Variants in TMEM131L observed in about 807,000 individuals in gnomAD.
TMEM131L encodes transmembrane protein 131-like.
Under a neutral mutation model 192.2 loss-of-function variants are expected in TMEM131L, and 54 were observed. That is an observed-to-expected ratio of 0.28 (90% CI 0.23 to 0.35). The LOEUF (loss-of-function observed/expected upper bound fraction) is 0.35, where lower values mean the gene tolerates loss of function less well. TMEM131L is among the 10% of genes least tolerant of loss of function. The probability of loss-of-function intolerance (pLI) is 1.00; values close to 1 mark genes in which losing one functional copy is unlikely to be tolerated. For synonymous variants in TMEM131L, 701 were observed against 704.9 expected (o/e 0.99, Z 0.09); for missense variants, 1,888 against 1,972.9 (o/e 0.96, Z 0.82).
rs569189718 is a variant in TMEM131L at position 153,632,786 on chromosome 4, C to G, written c.4276C>G (p.Leu1426Val). 1.1e-4 allele frequency: 184 copies of G among 1,614,116 alleles called. 1 individual carries two copies. In the South Asian group the frequency reaches 1.8e-3, roughly 16 times the overall value. ...VCVTSSLNCT[L>V]ENGVPCVIQE... ...TGTGACAAGCAGCTTAAACTGCACC[C>G]TGGAGAACGGCGTGCCTTGTGTGAT... Residue 1426 changes from leucine to valine, a missense_variant, in exon 32 of 35, where the codon CTG becomes GTG. By Grantham distance (32) the Leu-to-Val change is conservative. Transcript: ENST00000409959.
rs578257340 is a variant in TMEM131L, at chr4:153,532,436, G to T, written c.240-17637G>T. Among the ~76,000 whole-genome samples, 198 of 141,732 alleles carry T rather than the reference G, an allele frequency of 1.4e-3. 1 individual carries two copies. The highest frequency in any genetic ancestry group is 5.2e-3 in the African/African-American group (195 of 37,852). The allele number at this position is 141,732 out of a possible 152,430, so 93.0% of individuals were successfully genotyped here. On this transcript the variant is annotated intron_variant, in intron 3 of 34. Transcript: ENST00000409959. ...GCGTGTGTGCTTACTTGCTATTAGT[G>T]CTTTTTTTTTAAAAAAAAAAAAAGC...
rs115471258 is a variant in TMEM131L at position 153,503,665 on chromosome 4, T to G, written c.239+29777T>G. ...GTCCTACAACTTACTAGTGATATGA[T>G]TTGGGGCAAGTCACTTAACTTCTGA... is the stretch of plus-strand genomic sequence containing the variant. On this transcript the variant is annotated intron_variant, in intron 3 of 34. Transcript: ENST00000409959. 4.9e-3 allele frequency among the ~76,000 whole-genome samples: 751 copies of G among 152,282 alleles called. 5 individuals are homozygous for G. The highest frequency in any genetic ancestry group is 0.015 in the African/African-American group (609 of 41,542).
At chr4:153,607,908 C>T (rs1732350099) in intron 25 of TMEM131L, among the ~76,000 whole-genome samples, 1 of 152,092 alleles carries the variant, frequency 6.6e-6, no homozygotes, top group Admixed American at 6.5e-5. Context: ...CCTGGGCAAC[C>T]TGGTGAAACT....
Position 153,634,259 on chromosome 4 carries a change from G to A in TMEM131L, c.4396G>A (p.Asp1466Asn), listed in dbSNP as rs752754036. ...CGCATACTGTCCATTGGAATTGAAC[G>A]ATTACAATGCCTTTCCAGAAGGTAA... Reference protein sequence around the residue: ...SSAYCPLELNDYNAFPEENMN... With the variant: ...SSAYCPLELNNYNAFPEENMN... The change falls in exon 33 of 35, where the codon GAT becomes AAT. Residue 1466 changes from aspartate to asparagine, a missense_variant. Coordinates refer to ENST00000409959, the MANE Select transcript of TMEM131L (RefSeq NM_001131007.2). The A allele has an allele frequency of 2.5e-6, 4 of 1,613,320 alleles. No homozygotes were observed. Among genetic ancestry groups the A allele is most frequent in the East Asian group, 2.2e-5 (1 of 44,874 alleles).
rs773178442 is a variant in TMEM131L at position 153,632,742 on chromosome 4, G to T, written c.4232G>T (p.Trp1411Leu). ...DKGLYSPGDL[W>L]PTPPVCVTSS... ...GGTCTTTACTCACCTGGAGACCTGT[G>T]GCCCACTCCGCCAGTGTGTGTGACA... is the stretch of plus-strand genomic sequence containing the variant. Residue 1411 changes from tryptophan to leucine, a missense_variant, in exon 32 of 35, where the codon TGG becomes TTG. Trp to Leu is a moderately conservative substitution (Grantham distance 61, BLOSUM62 -2). Transcript: ENST00000409959. 2.5e-6 allele frequency: 4 copies of T among 1,614,080 alleles called. No homozygotes were observed. Among genetic ancestry groups the T allele is most frequent in the Non-Finnish European group, 3.4e-6 (4 of 1,180,006 alleles).
At chr4:153,501,943 GT>G (rs575832226) in intron 3 of TMEM131L, among the ~76,000 whole-genome samples, 620 of 117,414 alleles carry the variant, frequency 5.3e-3, no homozygotes, top group South Asian at 6.2e-3. Context: ...CCCCCAAAGG[GT>G]TTTTTTTTTT....
At chr4:153,574,673 C>T (rs538799539) in intron 7 of TMEM131L, among the ~76,000 whole-genome samples, 11 of 152,250 alleles carry the variant, frequency 7.2e-5, no homozygotes, top group South Asian at 2.1e-4. Context: ...GTTGCAGCTC[C>T]GCCTCCCGGG....
chr4:153,491,147 C>T (rs1355915632), intron 3 of TMEM131L, among the ~76,000 whole-genome samples: 2 of 152,016 alleles, frequency 1.3e-5, no homozygotes, highest in African/African-American at 2.4e-5. Flanking sequence ...AGGCCTGTCA[C>T]GTAAATGCAC....
intron 6 of TMEM131L, 49 bp from the exon 7 acceptor site, chr4:153,558,209 G>A (rs1376672838): frequency 2.0e-6 from 2 of 996,670 alleles, no homozygotes; most frequent in Admixed American, 1.8e-5. Context: ...TATGGCAAAT[G>A]TGTTTTAAAA....
chr4:153,623,791 G>A (rs941236655), intron 29 of TMEM131L, among the ~76,000 whole-genome samples: 9 of 152,128 alleles, frequency 5.9e-5, no homozygotes, highest in African/African-American at 1.7e-4. Context: ...AACATTGGCT[G>A]TCCCTTATTT....
chr4:153,527,665 TTCC>T (rs927057134), intron 3 of TMEM131L, among the ~76,000 whole-genome samples: 4 of 152,246 alleles, frequency 2.6e-5, no homozygotes, highest in African/African-American at 9.6e-5. Flanking sequence ...TAATGTTTAC[TTCC>T]TTTTCTTCAT....
At chr4:153,566,545 G>GTT (rs1695363247) in intron 7 of TMEM131L, among the ~76,000 whole-genome samples, 1 of 149,564 alleles carries the variant, frequency 6.7e-6, no homozygotes, top group South Asian at 2.1e-4. Flanking sequence ...GTGTGTGTGT[G>GTT]TGTGTGTCTC....
chr4:153,635,861 C>T (rs1443607114), intron 34 of TMEM131L, among the ~76,000 whole-genome samples: 1 of 152,156 alleles, frequency 6.6e-6, no homozygotes, highest in African/African-American at 2.4e-5. Flanking sequence ...GAACATGGGC[C>T]AGCCCTCTGT....
At chr4:153,552,666 A>G (rs1278593215) in intron 4 of TMEM131L, among the ~76,000 whole-genome samples, 2 of 152,158 alleles carry the variant, frequency 1.3e-5, no homozygotes, top group African/African-American at 4.8e-5. Context: ...CCCTGTCTCC[A>G]TAAAATTTTT....
chr4:153,529,735 A>C (rs1237879377), intron 3 of TMEM131L, among the ~76,000 whole-genome samples: 3 of 152,198 alleles, frequency 2.0e-5, no homozygotes, highest in Non-Finnish European at 4.4e-5. Context: ...GAATGATTTC[A>C]TTTGCTTCAA....
intron 26 of TMEM131L, among the ~76,000 whole-genome samples, chr4:153,617,863 G>T (rs1284852253): frequency 2.8e-4 from 39 of 138,624 alleles, no homozygotes; most frequent in African/African-American, 6.7e-4. Context: ...GCTCTTCGTG[G>T]TTTTTTTTTT....
rs577684910 is a variant in TMEM131L at position 153,556,027 on chromosome 4, A to G, written c.432+117A>G. The G allele has an allele frequency of 3.1e-6, 3 of 973,046 alleles. No homozygotes were observed. The African/African-American group carries it at 5.1e-5, about 17-fold the overall frequency. 60.3% of individuals were successfully genotyped at this position (973,046 alleles called of 1,614,324 possible). A position where few individuals can be genotyped will look rare whatever the true frequency, so the allele number is the denominator to read the frequency against. On this transcript the variant is annotated intron_variant, in intron 5 of 34. Coordinates refer to ENST00000409959, the MANE Select transcript of TMEM131L (RefSeq NM_001131007.2). Reference sequence around the variant, plus strand: ...TGTCTCCCGCTTTTTCTGGTACCCAAACCTTTTCCTTCTGTGTGTTTACCT... The same window carrying G: ...TGTCTCCCGCTTTTTCTGGTACCCAGACCTTTTCCTTCTGTGTGTTTACCT...
chr4:153,630,910 T>A (rs1364092227), intron 31 of TMEM131L, among the ~76,000 whole-genome samples: 1 of 152,202 alleles, frequency 6.6e-6, no homozygotes, highest in Non-Finnish European at 1.5e-5. Context: ...TAAGGTTTAA[T>A]CAGAAGCCAA....
chr4:153,489,329 C>T (rs1034323907), intron 3 of TMEM131L, among the ~76,000 whole-genome samples: 3 of 152,144 alleles, frequency 2.0e-5, no homozygotes, highest in Non-Finnish European at 4.4e-5. Flanking sequence ...GGGCTCCAGC[C>T]GCAGCTGCAA....
Sources: gnomAD v4.1 joint callset for allele counts (sites outside exome capture counted in the v4.1 genomes callset) on GRCh38, gnomAD v4.1.1 for gene constraint, MANE v1.5 for transcripts, NCBI Gene and HGNC (gene_info 2026-07-23, HGNC 2026-07-21) for gene names.